The following IGSF21 variants were observed in gnomAD, a reference collection of about 807,000 sequenced individuals.
IGSF21 encodes the protein immunoglobin superfamily member 21.
Under a neutral mutation model 46.8 loss-of-function variants are expected in IGSF21, and 28 were observed. That is an observed-to-expected ratio of 0.60 (90% CI 0.44 to 0.82). IGSF21 has a LOEUF of 0.82. Ranked by LOEUF, IGSF21 falls within the 40% of genes least tolerant of loss-of-function variation. The pLI, the probability that IGSF21 is intolerant of heterozygous loss-of-function variation, is 0.00. For missense variants in IGSF21, 624 were observed against 665.5 expected (o/e 0.94, Z 0.69); for synonymous variants, 284 against 273.6 (o/e 1.04, Z -0.38).
intron 1 of IGSF21, among the ~76,000 whole-genome samples, chr1:18,226,042 G>T (rs1282731364): frequency 6.6e-6 from 1 of 152,204 alleles, no homozygotes; most frequent in African/African-American, 2.4e-5. Flanking sequence ...CAAGTGCTTA[G>T]CCCAGTGCCT....
At chr1:18,345,173 G>A (rs749323997) in intron 4 of IGSF21, among the ~76,000 whole-genome samples, 1 of 152,182 alleles carries the variant, frequency 6.6e-6, no homozygotes, top group Non-Finnish European at 1.5e-5. Flanking sequence ...TGAGTGACAT[G>A]CAGATGCCCA....
chr1:18,233,311 C>G (rs796553550), intron 2 of IGSF21, among the ~76,000 whole-genome samples: 1 of 152,114 alleles, frequency 6.6e-6, no homozygotes, highest in Non-Finnish European at 1.5e-5. Flanking sequence ...GCAGATGATG[C>G]GACCTCGCCA....
intron 4 of IGSF21, among the ~76,000 whole-genome samples, chr1:18,353,138 G>A (rs2085975595): frequency 6.6e-6 from 1 of 151,608 alleles, no homozygotes. Context: ...GGGGCTTTTT[G>A]TTGTTGCTTT....
chr1:18,163,160 C>T (rs2086643752), intron 1 of IGSF21, among the ~76,000 whole-genome samples: 1 of 151,998 alleles, frequency 6.6e-6, no homozygotes, highest in South Asian at 2.1e-4. Flanking sequence ...GACAAATCTG[C>T]TTCACTTCTG....
At chr1:18,307,414 T>G (rs1192067614) in intron 3 of IGSF21, among the ~76,000 whole-genome samples, 1 of 152,196 alleles carries the variant, frequency 6.6e-6, no homozygotes, top group Non-Finnish European at 1.5e-5. Flanking sequence ...CTCTAAGAAC[T>G]TTACACACAT....
intron 1 of IGSF21, among the ~76,000 whole-genome samples, chr1:18,147,627 A>G (rs941568793): frequency 1.3e-5 from 2 of 152,130 alleles, no homozygotes; most frequent in Admixed American, 6.5e-5. Flanking sequence ...TTTGCTCATC[A>G]TCTGTTTCCC....
intron 2 of IGSF21, among the ~76,000 whole-genome samples, chr1:18,235,849 T>C (rs2084668083): frequency 6.6e-6 from 1 of 152,026 alleles, no homozygotes; most frequent in African/African-American, 2.4e-5. Flanking sequence ...AGGGGTCACT[T>C]GGAGGTTAGA....
At chr1:18,299,639 C>T (rs2085342664) in intron 3 of IGSF21, among the ~76,000 whole-genome samples, 1 of 152,154 alleles carries the variant, frequency 6.6e-6, no homozygotes, top group Non-Finnish European at 1.5e-5. Flanking sequence ...AAACACAGGC[C>T]CTGCCCTTAT....
chr1:18,128,129 CCTA>C (rs776630619), intron 1 of IGSF21, among the ~76,000 whole-genome samples: 16 of 152,120 alleles, frequency 1.1e-4, no homozygotes, highest in Non-Finnish European at 2.4e-4. Context: ...TTATTGGTCT[CCTA>C]CTGTGTGCCT....
Position 18,200,046 on chromosome 1 carries a change from C to T in IGSF21, c.71-27852C>T, listed in dbSNP as rs2087055039. Among the ~76,000 whole-genome samples the T allele has an allele frequency of 2.0e-5, 3 of 152,170 alleles. No individual in the cohort carries two copies. In the South Asian group the frequency reaches 6.2e-4, roughly 32 times the overall value. ...CCTTCCCCACTCATGGGTTCTGCTG[C>T]TTCTCCTGCTGGCTGGAAGACCCTT... On this transcript the variant is annotated intron_variant, in intron 1 of 9. Coordinates refer to ENST00000251296, the MANE Select transcript of IGSF21 (RefSeq NM_032880.5).
Position 18,207,299 on chromosome 1 carries a change from G to A in IGSF21, c.71-20599G>A, listed in dbSNP as rs557009093. On this transcript the variant is annotated intron_variant, in intron 1 of 9. Transcript: ENST00000251296. ...CATGTGATGAGAGGAGGCCCACTGG[G>A]ATAATCTCCCTATCTTAAGGTCAAG... Among the ~76,000 whole-genome samples the A allele has an allele frequency of 6.6e-5, 10 of 152,234 alleles. No homozygotes were observed. In the East Asian group the frequency reaches 1.9e-3, roughly 29 times the overall value.
In IGSF21 at chr1:18,290,713, C is replaced by T. The variant is rs1475615225; in HGVS notation, c.184-1153C>T. On this transcript the variant is annotated intron_variant, in intron 2 of 9. Coordinates refer to ENST00000251296, the MANE Select transcript of IGSF21 (RefSeq NM_032880.5). The surrounding 1 kb of genome is among the most constrained non-coding windows in gnomAD (Gnocchi z 4.2). ...CAGCTGTGTCTAGGGCCAGTACTCC[C>T]AGGCAGGTGACAGGGGGACAGATTC... 2.0e-5 allele frequency among the ~76,000 whole-genome samples: 3 copies of T among 152,162 alleles called. No individual in the cohort carries two copies. Among genetic ancestry groups the T allele is most frequent in the Non-Finnish European group, 2.9e-5 (2 of 68,034 alleles).
intron 4 of IGSF21, among the ~76,000 whole-genome samples, chr1:18,358,313 G>C (rs544261419): frequency 5.9e-5 from 9 of 152,212 alleles, no homozygotes; most frequent in African/African-American, 1.9e-4. Context: ...ATTAAGATAA[G>C]TTTAAAAAAG....
At chr1:18,260,194 G>A (rs2084933489) in intron 2 of IGSF21, among the ~76,000 whole-genome samples, 1 of 152,222 alleles carries the variant, frequency 6.6e-6, no homozygotes, top group Admixed American at 6.5e-5. Context: ...CAAACAGGAG[G>A]GACACTGAGG....
chr1:18,216,031 C>T (rs1054209008), intron 1 of IGSF21, among the ~76,000 whole-genome samples: 1 of 152,152 alleles, frequency 6.6e-6, no homozygotes, highest in Non-Finnish European at 1.5e-5. Flanking sequence ...GAGACAGACA[C>T]ACGAAGAACC....
chr1:18,119,494 C>T (rs1050996435), intron 1 of IGSF21, among the ~76,000 whole-genome samples: 2 of 152,240 alleles, frequency 1.3e-5, no homozygotes, highest in Admixed American at 6.5e-5. Context: ...CTCTACTGGA[C>T]AGCACTGGTC....
chr1:18,147,139 C>T (rs1397415320), intron 1 of IGSF21, among the ~76,000 whole-genome samples: 9 of 152,202 alleles, frequency 5.9e-5, no homozygotes, highest in Admixed American at 6.5e-5. Flanking sequence ...CGGCTGCCAC[C>T]CTCATCATCC....
At chr1:18,273,543 T>A (rs1419950249) in intron 2 of IGSF21, among the ~76,000 whole-genome samples, 5 of 144,126 alleles carry the variant, frequency 3.5e-5, no homozygotes, top group African/African-American at 1.1e-4. Flanking sequence ...TTTTTTTTTT[T>A]AACCACTCTG....
intron 6 of IGSF21, among the ~76,000 whole-genome samples, chr1:18,367,603 C>CTTTTT (rs35019096): frequency 4.1e-4 from 30 of 73,962 alleles, no homozygotes; most frequent in East Asian, 7.7e-4. Flanking sequence ...CTCTCTCTCT[C>CTTTTT]TTTTTTTTTT....
Sources: gnomAD v4.1 joint callset for allele counts (sites outside exome capture counted in the v4.1 genomes callset) on GRCh38, gnomAD v4.1.1 for gene constraint, Gnocchi (gnomAD v3.1) non-coding constraint, MANE v1.5 for transcripts, NCBI Gene and HGNC (gene_info 2026-07-23, HGNC 2026-07-21) for gene names.